The following PTK2B variants were observed in gnomAD, a reference collection of about 807,000 sequenced individuals.
PTK2B encodes the protein protein-tyrosine kinase 2-beta.
In PTK2B, 71 loss-of-function variants were observed where a neutral mutation model predicts 142.9. The observed-to-expected ratio is 0.50, with a 90% CI of 0.41 to 0.61. The LOEUF is 0.61. PTK2B is among the 20% of genes least tolerant of loss of function. The probability of loss-of-function intolerance (pLI) is 0.00; values close to 1 mark genes in which losing one functional copy is unlikely to be tolerated. For missense variants in PTK2B, 1,105 were observed against 1,320.4 expected (o/e 0.84, Z 2.53); for synonymous variants, 519 against 503.4 (o/e 1.03, Z -0.42).
chr8:27,374,185 A>G (rs1806528484), intron 1 of PTK2B, among the ~76,000 whole-genome samples: 2 of 152,234 alleles, frequency 1.3e-5, no homozygotes, highest in Non-Finnish European at 2.9e-5. Flanking sequence ...TGTGCAGTGC[A>G]CATAGACAAT....
intron 1 of PTK2B, among the ~76,000 whole-genome samples, chr8:27,376,516 A>G (rs1026419501): frequency 6.6e-6 from 1 of 152,216 alleles, no homozygotes; most frequent in African/African-American, 2.4e-5. Context: ...GCTGAGACCT[A>G]TTGTGTTGCA....
chr8:27,444,290 G>A lies in PTK2B; in HGVS notation c.2214+19G>A. The A allele has an allele frequency of 6.2e-7, 1 of 1,607,908 alleles. No individual in the cohort carries two copies. Among genetic ancestry groups the A allele is most frequent in the Non-Finnish European group, 8.5e-7 (1 of 1,174,426 alleles). On this transcript the variant is annotated intron_variant, in intron 23 of 30. Transcript: ENST00000346049. ...GTTCCAGGTAAAGATAGAACCAGAGGACGGGAACTTCAGGTCTACCTCTCA... is the reference window on the plus strand; with the variant it reads ...GTTCCAGGTAAAGATAGAACCAGAGAACGGGAACTTCAGGTCTACCTCTCA...
chr8:27,373,975 C>T (rs187171459), intron 1 of PTK2B, among the ~76,000 whole-genome samples: 3 of 151,926 alleles, frequency 2.0e-5, no homozygotes, highest in African/African-American at 4.8e-5. Context: ...GAGGAGGGAT[C>T]GAACCAACCC....
rs1161548916 is a variant in PTK2B at position 27,350,990 on chromosome 8, A to AATATAT, written c.-38+25355_-38+25360dup. Among the ~76,000 whole-genome samples, 40 of 12,042 alleles carry AATATAT rather than the reference A, an allele frequency of 3.3e-3. 2 individuals are homozygous for AATATAT. Among genetic ancestry groups the AATATAT allele is most frequent in the Non-Finnish European group, 5.2e-3 (33 of 6,344 alleles). The allele number at this position is 12,042 out of a possible 152,430, so 7.9% of individuals were successfully genotyped here. On this transcript the variant is annotated intron_variant, in intron 1 of 30. Transcript: ENST00000346049. ...GTCTCCGTCTCAAAAAAAAAAAAAA[A>AATATAT]ATATATATATATATATATATATATA...
At chr8:27,323,202 A>C (rs932362058), upstream of PTK2B, 3 of 152,306 alleles carry the variant, frequency 2.0e-5, no homozygotes, top group African/African-American at 7.2e-5. Context: ...TGGAGATTGC[A>C]TGGCTGCAGG....
At chr8:27,388,532 A>G (rs1807512853) in intron 1 of PTK2B, among the ~76,000 whole-genome samples, 1 of 152,226 alleles carries the variant, frequency 6.6e-6, no homozygotes, top group African/African-American at 2.4e-5. Context: ...CAAGTGGGAC[A>G]TCAACTGTCA....
intron 28 of PTK2B, 96 bp from the exon 29 acceptor site, chr8:27,454,055 CTGG>C: frequency 1.3e-6 from 2 of 1,489,062 alleles, no homozygotes; most frequent in Non-Finnish European, 1.9e-6. Flanking sequence ...TCCAATCGGG[CTGG>C]TGGTGGAGTT....
chr8:27,416,680 A>G (rs1044094299), intron 2 of PTK2B, among the ~76,000 whole-genome samples: 2 of 152,348 alleles, frequency 1.3e-5, no homozygotes, highest in Middle Eastern at 3.4e-3. Flanking sequence ...TGGGCACACT[A>G]CAGACCTGGA....
intron 2 of PTK2B, among the ~76,000 whole-genome samples, chr8:27,408,016 CTT>C (rs1036383167): frequency 1.4e-4 from 21 of 152,220 alleles, no homozygotes; most frequent in Non-Finnish European, 5.9e-5. Context: ...ACTGTAATCT[CTT>C]TGAGGGAGAG....
upstream of PTK2B, chr8:27,311,083 C>T: frequency 6.3e-7 from 1 of 1,596,406 alleles, no homozygotes; most frequent in Non-Finnish European, 8.5e-7. Context: ...GCGACACCTG[C>T]ACCTCCCAGC....
At chr8:27,350,198 A>G (rs1036119735) in intron 1 of PTK2B, among the ~76,000 whole-genome samples, 19 of 152,220 alleles carry the variant, frequency 1.2e-4, no homozygotes, top group African/African-American at 4.1e-4. Context: ...AGCCTAAAAG[A>G]CAGTGGAATT....
rs144322382 is a variant in PTK2B, at chr8:27,445,367, C to T, written c.2215-427C>T. Among the ~76,000 whole-genome samples, 1,430 of 152,238 alleles carry T rather than the reference C, an allele frequency of 9.4e-3. 26 individuals are homozygous for T. Among genetic ancestry groups the T allele is most frequent in the African/African-American group, 0.033 (1,376 of 41,530 alleles). Reference sequence around the variant, plus strand: ...GTTTAAGGCTGCAGTGAGCTGTGATCATACCACTGCATCCCAGCCTGGGCA... The same window carrying T: ...GTTTAAGGCTGCAGTGAGCTGTGATTATACCACTGCATCCCAGCCTGGGCA... On this transcript the variant is annotated intron_variant, in intron 23 of 30. Transcript: ENST00000346049.
chr8:27,395,124 G>A (rs1390792295), intron 1 of PTK2B, among the ~76,000 whole-genome samples: 1 of 152,070 alleles, frequency 6.6e-6, no homozygotes, highest in Admixed American at 6.6e-5. Context: ...AATTATAGTA[G>A]AGGAAGTACA....
At chr8:27,311,688 A>C (rs1354521580) in exon 1 of PTK2B, 2 of 179,634 alleles carry the variant, frequency 1.1e-5, no homozygotes, top group Non-Finnish European at 2.3e-5. Flanking sequence ...CTTCCGAAGT[A>C]GTGGCTGGGT....
At chr8:27,392,185 G>A (rs1468288574) in intron 1 of PTK2B, among the ~76,000 whole-genome samples, 1 of 152,190 alleles carries the variant, frequency 6.6e-6, no homozygotes, top group Non-Finnish European at 1.5e-5. Flanking sequence ...AAGAAGAGCT[G>A]GAGTCAGCAG....
intron 1 of PTK2B, among the ~76,000 whole-genome samples, chr8:27,365,823 G>C (rs960762472): frequency 1.3e-5 from 2 of 152,222 alleles, no homozygotes; most frequent in African/African-American, 4.8e-5. Flanking sequence ...GATGGGGACT[G>C]TTCCAGCCAG....
intron 1 of PTK2B, among the ~76,000 whole-genome samples, chr8:27,362,405 A>G (rs1173030596): frequency 6.6e-6 from 1 of 152,138 alleles, no homozygotes; most frequent in Non-Finnish European, 1.5e-5. Flanking sequence ...CTTCTAGCCC[A>G]ATGGAGAAGG....
intron 24 of PTK2B, among the ~76,000 whole-genome samples, chr8:27,448,590 A>G (rs1230128975): frequency 8.0e-6 from 1 of 125,540 alleles, no homozygotes; most frequent in African/African-American, 3.5e-5. Context: ...TTCTGTCAAC[A>G]CTTATAAACT....
At chr8:27,345,459 G>T (rs1804659235) in intron 1 of PTK2B, among the ~76,000 whole-genome samples, 1 of 152,214 alleles carries the variant, frequency 6.6e-6, no homozygotes, top group African/African-American at 2.4e-5. Flanking sequence ...GCGAGGACCT[G>T]CCTATCCCTG....
Sources: allele counts gnomAD v4.1 joint callset (sites outside exome capture counted in the v4.1 genomes callset), GRCh38; gene constraint gnomAD v4.1.1; transcripts MANE v1.5; gene names NCBI Gene and HGNC (gene_info 2026-07-23, HGNC 2026-07-21).